Variants in SART3 observed in about 807,000 individuals in gnomAD.
The protein encoded by SART3 is HIV-1 Tat-interacting protein of 110kDa.
SART3 carries 44 observed loss-of-function variants against 122.3 expected under a neutral mutation model. The ratio of observed to expected loss-of-function variants is 0.36; its 90% confidence interval spans 0.28 to 0.46. SART3 has a LOEUF of 0.46. Among genes scored for constraint, SART3 ranks in the 20% least tolerant of loss-of-function variants. The pLI, the probability that SART3 is intolerant of heterozygous loss-of-function variation, is 1.00. For missense variants in SART3, 1,101 were observed against 1,229.0 expected, an observed-to-expected ratio of 0.90 and a Z score of 1.56; for synonymous variants, 442 against 454.0, an observed-to-expected ratio of 0.97 and a Z score of 0.34.
At chr12:108,544,696 G>T in intron 4 of SART3, 1 of 670,354 alleles carries the variant, frequency 1.5e-6, no homozygotes, top group Non-Finnish European at 2.6e-6. Context: ...GTCCTGAGTA[G>T]CTAGGACCAC....
chr12:108,541,098 A>T (rs778837350), intron 6 of SART3, among the ~76,000 whole-genome samples: 1 of 152,210 alleles, frequency 6.6e-6, no homozygotes, highest in Non-Finnish European at 1.5e-5. Flanking sequence ...TCATCAAAAG[A>T]CACTGTTAAA....
Position 108,526,571 on chromosome 12 carries a change from A to G in SART3, c.1916-18T>C, listed in dbSNP as rs746829761. On this transcript the variant is annotated intron_variant, in intron 15 of 18. Transcript: ENST00000546815. ...AGGCTGCTCTACAGGTTTTCAAAAG[A>G]AAAGTAGCCATGGTTAACTGTTACT... 1.9e-6 allele frequency: 3 copies of G among 1,612,128 alleles called. No homozygotes were observed. The highest frequency in any genetic ancestry group is 2.2e-5 in the South Asian group (2 of 91,070).
intron 6 of SART3, among the ~76,000 whole-genome samples, chr12:108,540,474 G>GA (rs1873110165): frequency 6.6e-6 from 1 of 151,914 alleles, no homozygotes; most frequent in Non-Finnish European, 1.5e-5. Context: ...AAGCTTTACA[G>GA]AAAGACAAGA....
chr12:108,528,374 T>C (rs1047225211), intron 15 of SART3, among the ~76,000 whole-genome samples: 1 of 151,400 alleles, frequency 6.6e-6, no homozygotes, highest in Non-Finnish European at 1.5e-5. Context: ...TCCCAGCTAC[T>C]TGGAAGGCTG....
At chr12:108,527,426 G>GCCGC (rs1872434780) in intron 15 of SART3, among the ~76,000 whole-genome samples, 2 of 152,224 alleles carry the variant, frequency 1.3e-5, no homozygotes, top group Admixed American at 1.3e-4. Context: ...CCCCCTGGAT[G>GCCGC]CCGCATCTCT....
In SART3 at chr12:108,538,077, G is replaced by C. The variant is rs1872992464; in HGVS notation, c.1189C>G (p.Gln397Glu). The change falls in exon 8 of 19, where the codon CAA becomes GAA. Residue 397 changes from glutamine to glutamate, a missense_variant. Gln to Glu is a conservative substitution (Grantham distance 29, BLOSUM62 2). Transcript: ENST00000546815. Reference sequence around the variant, plus strand: ...AAAACATCCGCACCAGAAATTACTTGATGATCAACTCCATGTCTCTCCATG... The same window carrying C: ...AAAACATCCGCACCAGAAATTACTTCATGATCAACTCCATGTCTCTCCATG... ...LAMERHGVDH[Q>E]VISVTFEKAL... 6 of 1,614,004 alleles carry C rather than the reference G, an allele frequency of 3.7e-6. No homozygotes were observed. In the Admixed American group the frequency reaches 1.0e-4, roughly 27 times the overall value.
chr12:108,560,193 T>C (rs2030437487), intron 1 of SART3: 2 of 152,420 alleles, frequency 1.3e-5, no homozygotes, highest in Admixed American at 6.5e-5. Context: ...ATGTTATGAC[T>C]AGATGCTAGG....
rs1190207717 is a variant in SART3 at position 108,560,827 on chromosome 12, C to G, written c.312+16G>C. 6.4e-7 allele frequency: 1 copy of G among 1,572,890 alleles called. No homozygotes were observed. The highest frequency in any genetic ancestry group is 8.7e-7 in the Non-Finnish European group (1 of 1,154,958). ...TGAAAGACTGGAAGATGCCCGCTGCCCACCCCCGGGCCCACCTGCTCCTCC... is the reference window on the plus strand; with the variant it reads ...TGAAAGACTGGAAGATGCCCGCTGCGCACCCCCGGGCCCACCTGCTCCTCC... On this transcript the variant is annotated intron_variant, in intron 1 of 18. Coordinates refer to ENST00000546815, the MANE Select transcript of SART3 (RefSeq NM_014706.4).
At chr12:108,525,705 C>T (rs1297290319) in intron 16 of SART3, 96 bp from the exon 17 acceptor site, 14 of 1,294,834 alleles carry the variant, frequency 1.1e-5, no homozygotes, top group Admixed American at 8.5e-5. Flanking sequence ...ATGAGCAGCC[C>T]AGCCAGGCAG....
intron 12 of SART3, among the ~76,000 whole-genome samples, chr12:108,532,864 C>T (rs1393667004): frequency 6.6e-6 from 1 of 152,112 alleles, no homozygotes; most frequent in Non-Finnish European, 1.5e-5. Flanking sequence ...GGCAATTCTC[C>T]TGCTTCAGCC....
rs746075143 is a variant in SART3, at chr12:108,530,334, A to G, written c.1747-24T>C. ...GCCTAGAAAAGTGGGAAGATGATGCATCGCTGGATGTGGCAATTACATTCA... is the reference window on the plus strand; with the variant it reads ...GCCTAGAAAAGTGGGAAGATGATGCGTCGCTGGATGTGGCAATTACATTCA... On this transcript the variant is annotated intron_variant, in intron 14 of 18. Coordinates refer to ENST00000546815, the MANE Select transcript of SART3 (RefSeq NM_014706.4). The G allele has an allele frequency of 1.9e-6, 3 of 1,613,214 alleles. No homozygotes were observed. In the South Asian group the frequency reaches 3.3e-5, roughly 18 times the overall value.
chr12:108,549,335 A>G, intron 1 of SART3, 121 bp from the exon 2 acceptor site: 5 of 1,080,966 alleles, frequency 4.6e-6, no homozygotes, highest in Non-Finnish European at 6.9e-6. Context: ...ATCTGAGAAA[A>G]CCACTGAAAC....
intron 12 of SART3, chr12:108,532,553 G>A (rs1872725630): frequency 3.8e-5 from 19 of 498,692 alleles, no homozygotes; most frequent in South Asian, 3.8e-4. Context: ...CAGCCATGTA[G>A]GGGCTACTGG....
At chr12:108,528,869 C>T (rs1351755931) in intron 15 of SART3, among the ~76,000 whole-genome samples, 1 of 151,986 alleles carries the variant, frequency 6.6e-6, no homozygotes, top group Non-Finnish European at 1.5e-5. Flanking sequence ...CACCTGTAAT[C>T]CCAGCACTTT....
In SART3 at chr12:108,545,139, C is replaced by T; in HGVS notation, c.729G>A (p.Arg243=). Reference sequence around the variant, plus strand: ...TTCAGAGACAACCACAGGTACTCACCCGAGCAGCTTCCACAATCGCACTTT... The same window carrying T: ...TTCAGAGACAACCACAGGTACTCACTCGAGCAGCTTCCACAATCGCACTTT... ...EFESAIVEAA[R]LEKVHSLFRR... The change falls in exon 4 of 19, where the codon CGG becomes CGA. Residue 243 remains arginine (R), a splice_region_variant and synonymous_variant. Coordinates refer to ENST00000546815, the MANE Select transcript of SART3 (RefSeq NM_014706.4). 1 of 1,614,030 alleles carries T rather than the reference C, an allele frequency of 6.2e-7. No homozygotes were observed. Among genetic ancestry groups the T allele is most frequent in the Non-Finnish European group, 8.5e-7 (1 of 1,179,992 alleles).
At chr12:108,530,058 C>T (rs903547804) in intron 15 of SART3, 84 bp downstream of exon 15, 2 of 1,493,564 alleles carry the variant, frequency 1.3e-6, no homozygotes, top group African/African-American at 2.8e-5. Flanking sequence ...GGTAACGGTT[C>T]AGGGAAGAAA....
At chr12:108,525,134 T>C (rs1241513282) in intron 17 of SART3, among the ~76,000 whole-genome samples, 1 of 152,192 alleles carries the variant, frequency 6.6e-6, no homozygotes, top group Non-Finnish European at 1.5e-5. Context: ...GGGAGAAGGC[T>C]GCAGGAGGGC....
intron 1 of SART3, among the ~76,000 whole-genome samples, chr12:108,551,251 T>A (rs1592774135): frequency 1.3e-5 from 2 of 152,300 alleles, no homozygotes; most frequent in Middle Eastern, 3.4e-3. Context: ...AAGGATTATA[T>A]AATGACACAT....
intron 18 of SART3, chr12:108,524,048 G>A: frequency 1.7e-6 from 1 of 572,054 alleles, no homozygotes; most frequent in Non-Finnish European, 3.1e-6. Context: ...TGGCAAAGGG[G>A]ACTTTAAAAT....
Sources: allele counts gnomAD v4.1 joint callset (sites outside exome capture counted in the v4.1 genomes callset), GRCh38; gene constraint gnomAD v4.1.1; transcripts MANE v1.5; gene names NCBI Gene and HGNC (gene_info 2026-07-23, HGNC 2026-07-21).